Variants in RAB3C observed in about 807,000 individuals in gnomAD.
The protein encoded by RAB3C is ras-related protein Rab-3C.
A neutral mutation model predicts 26.4 loss-of-function variants in RAB3C; 17 were observed. The ratio of observed to expected loss-of-function variants is 0.64; its 90% CI spans 0.44 to 0.97. RAB3C has a LOEUF of 0.97. RAB3C is among the 50% of genes least tolerant of loss of function. The pLI, the probability that RAB3C is intolerant of heterozygous loss-of-function variation, is 0.00. For synonymous variants in RAB3C, 91 were observed against 95.9 expected, an observed-to-expected ratio of 0.95 and a Z score of 0.30; for missense variants, 242 against 281.9, an observed-to-expected ratio of 0.86 and a Z score of 1.01.
At chr5:58,612,687 TTGCTG>T (rs1746741677) in intron 1 of RAB3C, among the ~76,000 whole-genome samples, 1 of 151,742 alleles carries the variant, frequency 6.6e-6, no homozygotes, top group Non-Finnish European at 1.5e-5. Flanking sequence ...TCACGAGACT[TTGCTG>T]AAGTTGTTTA....
intron 2 of RAB3C, among the ~76,000 whole-genome samples, chr5:58,690,668 C>T (rs916272095): frequency 2.6e-5 from 4 of 152,054 alleles, no homozygotes; most frequent in African/African-American, 9.7e-5. Context: ...GCAGCTTAGG[C>T]CTCTGGAAAG....
intron 2 of RAB3C, among the ~76,000 whole-genome samples, chr5:58,721,238 A>AT (rs769069861): frequency 0.012 from 1,596 of 134,628 alleles, 13 homozygotes; most frequent in Non-Finnish European, 0.019. Context: ...AACTGAAATA[A>AT]TTTTTTTTTC....
chr5:58,775,364 C>G (rs1287220123), intron 3 of RAB3C, among the ~76,000 whole-genome samples: 2 of 152,208 alleles, frequency 1.3e-5, no homozygotes, highest in East Asian at 3.9e-4. Flanking sequence ...CCAACTGTGT[C>G]TTGACCTATA....
chr5:58,693,322 T>TG (rs1748610402), intron 2 of RAB3C, among the ~76,000 whole-genome samples: 7 of 75,200 alleles, frequency 9.3e-5, no homozygotes, highest in African/African-American at 4.7e-4. Context: ...AATTAAGAAA[T>TG]TATATATATA....
chr5:58,829,964 G>A (rs566577293), intron 4 of RAB3C, among the ~76,000 whole-genome samples: 42 of 151,982 alleles, frequency 2.8e-4, no homozygotes, highest in Admixed American at 7.2e-4. Context: ...TCCCTCTCAC[G>A]GAGCTTAAAG....
At chr5:58,779,957 A>G (rs1312567581) in intron 3 of RAB3C, among the ~76,000 whole-genome samples, 1 of 152,142 alleles carries the variant, frequency 6.6e-6, no homozygotes, top group African/African-American at 2.4e-5. Flanking sequence ...CATTTTGCAC[A>G]GAGGAAGGGA....
intron 1 of RAB3C, among the ~76,000 whole-genome samples, chr5:58,617,143 G>A (rs561051413): frequency 6.6e-6 from 1 of 152,238 alleles, no homozygotes; most frequent in Admixed American, 6.5e-5. Context: ...TGCCCTTTAT[G>A]TTAGGATGTT....
intron 3 of RAB3C, among the ~76,000 whole-genome samples, chr5:58,773,058 T>C (rs180737997): frequency 5.3e-4 from 81 of 152,260 alleles, no homozygotes; most frequent in African/African-American, 1.9e-3. Flanking sequence ...ACACACACTA[T>C]GTATCTGGGA....
chr5:58,683,134 G>T lies in RAB3C; in HGVS notation c.253-42868G>T, dbSNP rs976787432. On this transcript the variant is annotated intron_variant, in intron 2 of 4. Coordinates refer to ENST00000282878, the MANE Select transcript of RAB3C (RefSeq NM_138453.4). ...GGAATATGTGATTCTCATGAACATG[G>T]TTTATTATTTTATGACCCAAATATT... Among the ~76,000 whole-genome samples, 18 of 152,236 alleles carry T rather than the reference G, an allele frequency of 1.2e-4. No homozygotes were observed. The South Asian group carries it at 3.7e-3, about 32-fold the overall frequency.
chr5:58,606,742 G>T (rs1399866311), intron 1 of RAB3C, among the ~76,000 whole-genome samples: 3 of 152,200 alleles, frequency 2.0e-5, no homozygotes, highest in East Asian at 1.9e-4. Context: ...TTGCTGTTCT[G>T]CAGTCTCTGC....
At chr5:58,807,990 C>T (rs1164443951) in intron 3 of RAB3C, among the ~76,000 whole-genome samples, 1 of 151,990 alleles carries the variant, frequency 6.6e-6, no homozygotes, top group Non-Finnish European at 1.5e-5. Context: ...CTTTGGGAGG[C>T]CAAGGCAGGT....
chr5:58,657,594 A>G (rs998769347), intron 2 of RAB3C, among the ~76,000 whole-genome samples: 1 of 152,176 alleles, frequency 6.6e-6, no homozygotes, highest in Non-Finnish European at 1.5e-5. Context: ...AAGCAAAGTT[A>G]GAAAGGGAAA....
chr5:58,839,652 G>A (rs1219298510), intron 4 of RAB3C, among the ~76,000 whole-genome samples: 1 of 152,092 alleles, frequency 6.6e-6, no homozygotes, highest in Non-Finnish European at 1.5e-5. Context: ...TTACAGACAT[G>A]AGCCACTGCA....
chr5:58,664,912 G>T (rs926265289), intron 2 of RAB3C, among the ~76,000 whole-genome samples: 2 of 151,802 alleles, frequency 1.3e-5, no homozygotes, highest in African/African-American at 4.8e-5. Context: ...GGCTTCTTTT[G>T]GTTTCTCAAA....
chr5:58,722,076 G>C (rs1740782553), intron 2 of RAB3C, among the ~76,000 whole-genome samples: 1 of 151,636 alleles, frequency 6.6e-6, no homozygotes, highest in South Asian at 2.1e-4. Context: ...CTCTCTCAAA[G>C]ATTAAATATG....
At chr5:58,589,694 C>T (rs1274673647) in intron 1 of RAB3C, among the ~76,000 whole-genome samples, 1 of 152,064 alleles carries the variant, frequency 6.6e-6, no homozygotes, top group Non-Finnish European at 1.5e-5. Context: ...AACCCTGTAA[C>T]GTGTGAATAG....
intron 2 of RAB3C, among the ~76,000 whole-genome samples, chr5:58,685,080 C>A (rs1428597427): frequency 6.6e-6 from 1 of 152,148 alleles, no homozygotes; most frequent in Non-Finnish European, 1.5e-5. Context: ...GTGATAGAAT[C>A]TTTATTGACC....
intron 2 of RAB3C, among the ~76,000 whole-genome samples, chr5:58,696,573 C>A (rs1561292510): frequency 6.6e-6 from 1 of 152,114 alleles, no homozygotes; most frequent in Non-Finnish European, 1.5e-5. Flanking sequence ...GTTTGGTAGG[C>A]TATTAATTAT....
At chr5:58,636,141 C>T (rs1747285302) in intron 2 of RAB3C, among the ~76,000 whole-genome samples, 1 of 152,138 alleles carries the variant, frequency 6.6e-6, no homozygotes, top group South Asian at 2.1e-4. Flanking sequence ...AAAACCAATC[C>T]TTCTTGGATG....
Sources: gnomAD v4.1 joint callset for allele counts (sites outside exome capture counted in the v4.1 genomes callset) on GRCh38, gnomAD v4.1.1 for gene constraint, MANE v1.5 for transcripts, NCBI Gene and HGNC (gene_info 2026-07-23, HGNC 2026-07-21) for gene names.